GPC6: variants seen among roughly 807,000 people sequenced by gnomAD.
GPC6 encodes the protein glypican-6.
A neutral mutation model predicts 55.2 loss-of-function variants in GPC6; 14 were observed. That is an observed-to-expected ratio of 0.25 (90% confidence interval 0.17 to 0.40). The LOEUF is 0.40. Among genes scored for constraint, GPC6 ranks in the 10% least tolerant of loss-of-function variants. The pLI is 1.00. For missense variants in GPC6, 641 were observed against 708.5 expected, an observed-to-expected ratio of 0.90 and a Z score of 1.08; for synonymous variants, 278 against 259.6, an observed-to-expected ratio of 1.07 and a Z score of -0.68.
chr13:93,666,262 A>G (rs1456769388), intron 2 of GPC6, among the ~76,000 whole-genome samples: 4 of 152,176 alleles, frequency 2.6e-5, no homozygotes, highest in Non-Finnish European at 4.4e-5. Flanking sequence ...TTCTTGCCAC[A>G]AATTTCCCAA....
rs79136335 is a variant in GPC6 at position 94,319,687 on chromosome 13, C to T, written c.1152+13564C>T. ...AATTCTAGGTCAACAGTTATTTTCT[C>T]CAGGTGCACTGATGCTTATATTTCA... On this transcript the variant is annotated intron_variant, in intron 6 of 8. Coordinates refer to ENST00000377047, the MANE Select transcript of GPC6 (RefSeq NM_005708.5). Among the ~76,000 whole-genome samples the T allele has an allele frequency of 8.3e-3, 1,260 of 152,278 alleles. 19 individuals are homozygous for T. The highest frequency in any genetic ancestry group is 0.029 in the African/African-American group (1,200 of 41,566).
At chr13:93,892,015 C>T (rs755613366) in intron 3 of GPC6, among the ~76,000 whole-genome samples, 3 of 151,996 alleles carry the variant, frequency 2.0e-5, no homozygotes, top group Non-Finnish European at 2.9e-5. Context: ...ATAGAGATGG[C>T]TTAGTATATC....
chr13:94,349,976 G>A (rs1348376573), intron 6 of GPC6, among the ~76,000 whole-genome samples: 1 of 151,950 alleles, frequency 6.6e-6, no homozygotes. Flanking sequence ...CTGGGATGAT[G>A]GAATTGTACT....
intron 3 of GPC6, among the ~76,000 whole-genome samples, chr13:93,838,421 C>T (rs1035093625): frequency 3.3e-5 from 5 of 152,040 alleles, no homozygotes; most frequent in African/African-American, 1.2e-4. Context: ...GCTTTCTTGC[C>T]AAGGGCCCAG....
chr13:94,279,058 T>C (rs879929180), intron 4 of GPC6, among the ~76,000 whole-genome samples: 4 of 152,174 alleles, frequency 2.6e-5, no homozygotes, highest in Admixed American at 2.6e-4. Context: ...TGTGAATCTG[T>C]CTGGTCCTGG....
At chr13:93,740,254 A>C (rs1884156088) in intron 2 of GPC6, among the ~76,000 whole-genome samples, 1 of 114,010 alleles carries the variant, frequency 8.8e-6, no homozygotes, top group Non-Finnish European at 1.6e-5. Context: ...TTTTGTTGAA[A>C]GTGTACTAAA....
chr13:93,703,822 A>G (rs1882755347), intron 2 of GPC6, among the ~76,000 whole-genome samples: 1 of 151,930 alleles, frequency 6.6e-6, no homozygotes, highest in African/African-American at 2.4e-5. Flanking sequence ...GAAACTCTCT[A>G]TTTTTAGCAG....
chr13:93,690,160 A>G (rs1393715393), intron 2 of GPC6, among the ~76,000 whole-genome samples: 1 of 152,168 alleles, frequency 6.6e-6, no homozygotes, highest in East Asian at 1.9e-4. Flanking sequence ...AAGAATAGGG[A>G]TAAGTTTGCC....
At chr13:94,266,404 G>A (rs951164098) in intron 4 of GPC6, among the ~76,000 whole-genome samples, 54 of 152,182 alleles carry the variant, frequency 3.5e-4, no homozygotes, top group Non-Finnish European at 6.6e-4. Flanking sequence ...TCCTGACCTC[G>A]TGATCCGCCC....
chr13:94,351,962 C>CAAAAAAAAAA (rs60206836), intron 6 of GPC6, among the ~76,000 whole-genome samples: 1 of 101,550 alleles, frequency 9.8e-6, no homozygotes, highest in Non-Finnish European at 1.9e-5. Flanking sequence ...GAGAAGAAGG[C>CAAAAAAAAAA]AAAAAAAAAA....
intron 6 of GPC6, among the ~76,000 whole-genome samples, chr13:94,318,125 A>C (rs565535710): frequency 5.3e-5 from 8 of 152,304 alleles, no homozygotes; most frequent in African/African-American, 1.9e-4. Flanking sequence ...GCTTCATGGA[A>C]GAGTAGAGGG....
intron 1 of GPC6, among the ~76,000 whole-genome samples, chr13:93,441,235 G>A (rs529670653): frequency 1.3e-5 from 2 of 152,130 alleles, no homozygotes; most frequent in East Asian, 3.9e-4. Context: ...GGGTCAAATG[G>A]TATTTCTAGT....
intron 1 of GPC6, among the ~76,000 whole-genome samples, chr13:93,497,958 G>A (rs1880370230): frequency 6.6e-6 from 1 of 152,190 alleles, no homozygotes; most frequent in Non-Finnish European, 1.5e-5. Flanking sequence ...ATGTGTTGGG[G>A]TAGACTGTGC....
chr13:94,000,015 A>G (rs1331521539), intron 3 of GPC6, among the ~76,000 whole-genome samples: 1 of 152,200 alleles, frequency 6.6e-6, no homozygotes, highest in African/African-American at 2.4e-5. Context: ...GGGAACCTGC[A>G]AATACTGGTG....
intron 4 of GPC6, among the ~76,000 whole-genome samples, chr13:94,218,469 G>A (rs898336316): frequency 3.9e-5 from 6 of 152,146 alleles, no homozygotes; most frequent in African/African-American, 1.4e-4. Flanking sequence ...CTTTGACAAA[G>A]ACTTGTAGAA....
rs776160903 is a variant in GPC6, at chr13:94,286,487, C to A, written c.1008+8C>A. On this transcript the variant is annotated splice_region_variant and intron_variant, in intron 5 of 8. Coordinates refer to ENST00000377047, the MANE Select transcript of GPC6 (RefSeq NM_005708.5). Reference sequence around the variant, plus strand: ...ATGCAGGTGTCTGCAAAGGTATTTGCATTAGTAATGTATCTGCCAATACAT... The same window carrying A: ...ATGCAGGTGTCTGCAAAGGTATTTGAATTAGTAATGTATCTGCCAATACAT... 2 of 1,611,720 alleles carry A rather than the reference C, an allele frequency of 1.2e-6. No individual in the cohort carries two copies. The highest frequency in any genetic ancestry group is 2.2e-5 in the East Asian group (1 of 44,846).
intron 4 of GPC6, among the ~76,000 whole-genome samples, chr13:94,275,258 G>A (rs1001299840): frequency 6.6e-6 from 1 of 152,104 alleles, no homozygotes; most frequent in African/African-American, 2.4e-5. Flanking sequence ...CATATAATAA[G>A]TCAGCAGATG....
chr13:94,313,346 C>T (rs189295588), intron 6 of GPC6, among the ~76,000 whole-genome samples: 2 of 152,294 alleles, frequency 1.3e-5, no homozygotes, highest in African/African-American at 4.8e-5. Context: ...CTGTTGGAAA[C>T]CTGGATGGAA....
intron 3 of GPC6, among the ~76,000 whole-genome samples, chr13:93,973,436 A>G (rs2140396700): frequency 6.6e-6 from 1 of 152,276 alleles, no homozygotes; most frequent in South Asian, 2.1e-4. Context: ...ACTGCTTCCA[A>G]GTGACAACAG....
Sources: allele counts gnomAD v4.1 joint callset (sites outside exome capture counted in the v4.1 genomes callset), GRCh38; gene constraint gnomAD v4.1.1; transcripts MANE v1.5; gene names NCBI Gene and HGNC (gene_info 2026-07-23, HGNC 2026-07-21).